ULK4: variants seen among roughly 807,000 people sequenced by gnomAD.
ULK4 encodes the protein unc-51 like kinase 4.
Under a neutral mutation model 160.6 loss-of-function variants are expected in ULK4, and 133 were observed. The observed-to-expected ratio is 0.83, with a 90% CI of 0.72 to 0.96. The LOEUF is 0.96. Ranked by LOEUF, ULK4 falls within the 40% of genes least tolerant of loss-of-function variation. The pLI is 0.00. For synonymous variants in ULK4, 534 were observed against 539.8 expected, an observed-to-expected ratio of 0.99 and a Z score of 0.15; for missense variants, 1,580 against 1,499.5, an observed-to-expected ratio of 1.05 and a Z score of -0.89.
chr3:41,702,752 G>A (rs2036720161), intron 27 of ULK4, among the ~76,000 whole-genome samples: 1 of 150,390 alleles, frequency 6.6e-6, no homozygotes, highest in Non-Finnish European at 1.5e-5. Context: ...TACAAGAAGA[G>A]ATAAATTCAT....
chr3:41,954,637 A>G lies in ULK4; in HGVS notation c.123T>C (p.Pro41=). 6.2e-7 allele frequency: 1 copy of G among 1,612,904 alleles called. No individual in the cohort carries two copies. The highest frequency in any genetic ancestry group is 8.5e-7 in the Non-Finnish European group (1 of 1,179,526). Residue 41 remains proline (P), a synonymous_variant, in exon 2 of 37, where the codon CCT becomes CCC. Transcript: ENST00000301831. ...ACTGACTTACCCAGTTGGTTATTTCAGGCCTTTTGCACTTATCAGTACAAA... is the reference window on the plus strand; with the variant it reads ...ACTGACTTACCCAGTTGGTTATTTCGGGCCTTTTGCACTTATCAGTACAAA... ...AILCTDKCKR[P]EITNWVRLTR...
At chr3:41,268,742 C>T (rs9810387) in intron 35 of ULK4, among the ~76,000 whole-genome samples, 45,238 of 146,382 alleles carry the variant, frequency 0.31, 7,209 homozygotes, top group Middle Eastern at 0.35. Flanking sequence ...GAGATGGAGG[C>T]TGCAGTGAGC....
chr3:41,552,765 C>CA (rs1389396003), intron 32 of ULK4, among the ~76,000 whole-genome samples: 1 of 151,190 alleles, frequency 6.6e-6, no homozygotes, highest in African/African-American at 2.4e-5. Context: ...ATATGGAACC[C>CA]AAAAAGAGCC....
chr3:41,550,396 A>G (rs1795363), intron 32 of ULK4, among the ~76,000 whole-genome samples: 77,444 of 151,704 alleles, frequency 0.51, 19,879 homozygotes, highest in Middle Eastern at 0.57. Flanking sequence ...TACAAGAAAT[A>G]TATTTCACCT....
intron 35 of ULK4, among the ~76,000 whole-genome samples, chr3:41,352,489 T>C (rs1371490806): frequency 6.6e-6 from 1 of 152,218 alleles, no homozygotes; most frequent in African/African-American, 2.4e-5. Flanking sequence ...CATATCCCAC[T>C]GCTGGGGGCC....
chr3:41,489,966 C>A (rs2084689168), intron 32 of ULK4, among the ~76,000 whole-genome samples: 2 of 152,136 alleles, frequency 1.3e-5, no homozygotes, highest in African/African-American at 4.8e-5. Context: ...ACATCTTCAG[C>A]AACAGTCAAA....
rs1318812850 is a variant in ULK4 at position 41,444,706 on chromosome 3, G to A, written c.3492+10791C>T. On this transcript the variant is annotated intron_variant, in intron 34 of 36. Transcript: ENST00000301831. ...AGGCAAGAAAATAAAATGGCCAGGC[G>A]CGGTGGCTCACATCTGTAATCCCAG... 3.1e-4 allele frequency among the ~76,000 whole-genome samples: 47 copies of A among 152,144 alleles called. 1 individual carries two copies. The highest frequency in any genetic ancestry group is 2.8e-3 in the Admixed American group (43 of 15,276).
intron 30 of ULK4, among the ~76,000 whole-genome samples, chr3:41,631,933 T>C (rs1407268094): frequency 6.6e-6 from 1 of 152,200 alleles, no homozygotes; most frequent in East Asian, 1.9e-4. Context: ...GGCTTTGGCC[T>C]CTCACTCCCA....
At chr3:41,433,438 A>T (rs1207132690) in intron 34 of ULK4, among the ~76,000 whole-genome samples, 25 of 152,218 alleles carry the variant, frequency 1.6e-4, no homozygotes, top group Admixed American at 1.6e-3. Context: ...CAAAACTAAA[A>T]ATTCACAACC....
At chr3:41,759,325 C>T (rs1243151811) in intron 21 of ULK4, among the ~76,000 whole-genome samples, 3 of 152,092 alleles carry the variant, frequency 2.0e-5, no homozygotes, top group Non-Finnish European at 4.4e-5. Flanking sequence ...TGGTATATTT[C>T]AACATACCAA....
chr3:41,755,990 G>A (rs546508368), intron 21 of ULK4, among the ~76,000 whole-genome samples: 1 of 152,128 alleles, frequency 6.6e-6, no homozygotes, highest in African/African-American at 2.4e-5. Flanking sequence ...CACACAAAGT[G>A]AAAGAGATAA....
At chr3:41,260,991 G>A (rs2078929587) in intron 35 of ULK4, among the ~76,000 whole-genome samples, 1 of 152,228 alleles carries the variant, frequency 6.6e-6, no homozygotes, top group South Asian at 2.1e-4. Flanking sequence ...AGGAAGCTGG[G>A]AGAGGAAAGG....
At chr3:41,614,261 C>T (rs540892097) in intron 31 of ULK4, among the ~76,000 whole-genome samples, 1 of 152,150 alleles carries the variant, frequency 6.6e-6, no homozygotes. Context: ...CCCATTCTAG[C>T]TCTAGGATGT....
chr3:41,911,587 T>C lies in ULK4; in HGVS notation c.969A>G (p.Ala323=). 6.2e-7 allele frequency: 1 copy of C among 1,614,114 alleles called. No individual in the cohort carries two copies. The highest frequency in any genetic ancestry group is 1.1e-5 in the South Asian group (1 of 91,082). ...GTGGTTGACCACTCTTGTGCCCTTTTGCTTGTCTACTCTGAGAGTTCTGCA... is the reference window on the plus strand; with the variant it reads ...GTGGTTGACCACTCTTGTGCCCTTTCGCTTGTCTACTCTGAGAGTTCTGCA... ...ELLQNSQSRQ[A]KGHKSGQPLG... Residue 323 remains alanine (A), a synonymous_variant, in exon 10 of 37, where the codon GCA becomes GCG. Transcript: ENST00000301831.
chr3:41,531,470 G>A (rs1229304152), intron 32 of ULK4, among the ~76,000 whole-genome samples: 1 of 13,382 alleles, frequency 7.5e-5, no homozygotes, highest in African/African-American at 2.2e-4. Context: ...GGAGGGGAGG[G>A]GAGAGGAGGG....
At chr3:41,941,828 A>T (rs1277619736) in intron 2 of ULK4, among the ~76,000 whole-genome samples, 1 of 150,122 alleles carries the variant, frequency 6.7e-6, no homozygotes, top group Non-Finnish European at 1.5e-5. Context: ...AAGGAAGACC[A>T]CCTGGTGACC....
At chr3:41,349,198 T>C (rs1172719690) in intron 35 of ULK4, among the ~76,000 whole-genome samples, 2 of 152,194 alleles carry the variant, frequency 1.3e-5, no homozygotes, top group African/African-American at 4.8e-5. Context: ...ATTCCCTATT[T>C]ATCATTCACA....
intron 16 of ULK4, 85 bp from the exon 17 acceptor site, chr3:41,884,037 G>A: frequency 2.1e-6 from 2 of 940,514 alleles, no homozygotes; most frequent in Non-Finnish European, 3.5e-6. Context: ...ATGCAATGAT[G>A]AGCATTAGAT....
intron 17 of ULK4, among the ~76,000 whole-genome samples, chr3:41,841,901 G>A (rs1156700673): frequency 6.6e-6 from 1 of 152,056 alleles, no homozygotes; most frequent in Admixed American, 6.5e-5. Context: ...ATTAAGGGTG[G>A]TGCAAGATAT....
Sources: gnomAD v4.1 joint callset for allele counts (sites outside exome capture counted in the v4.1 genomes callset) on GRCh38, gnomAD v4.1.1 for gene constraint, MANE v1.5 for transcripts, NCBI Gene and HGNC (gene_info 2026-07-23, HGNC 2026-07-21) for gene names.